The following ELMO1 variants were observed in gnomAD, a reference collection of about 807,000 sequenced individuals.
ELMO1 encodes engulfment and cell motility protein 1.
Under a neutral mutation model 98.9 loss-of-function variants are expected in ELMO1, and 26 were observed. The ratio of observed to expected loss-of-function variants is 0.26; its 90% CI spans 0.19 to 0.36. ELMO1 has a LOEUF of 0.36. Ranked by LOEUF, ELMO1 falls within the 10% of genes least tolerant of loss-of-function variation. The pLI, the probability that ELMO1 is intolerant of heterozygous loss-of-function variation, is 1.00. For synonymous variants in ELMO1, 346 were observed against 346.0 expected, an observed-to-expected ratio of 1.00 and a Z score of 0.00; for missense variants, 627 against 935.2, an observed-to-expected ratio of 0.67 and a Z score of 4.30.
chr7:37,348,269 A>G (rs1244734631), intron 1 of ELMO1, among the ~76,000 whole-genome samples: 1 of 152,204 alleles, frequency 6.6e-6, no homozygotes, highest in Non-Finnish European at 1.5e-5. Flanking sequence ...AGCCGGGTAC[A>G]ATAATTCTTA....
chr7:36,926,558 AT>A (rs1785593943), intron 16 of ELMO1, among the ~76,000 whole-genome samples: 1 of 152,044 alleles, frequency 6.6e-6, no homozygotes, highest in Non-Finnish European at 1.5e-5. Flanking sequence ...TCCACTCAGA[AT>A]TGTACTTAAA....
At chr7:36,899,106 T>G (rs1300115711) in intron 16 of ELMO1, among the ~76,000 whole-genome samples, 1 of 152,090 alleles carries the variant, frequency 6.6e-6, no homozygotes, top group East Asian at 1.9e-4. Flanking sequence ...TGGGGAAGTG[T>G]TCAGCGGTCT....
chr7:36,879,420 C>T (rs1003315785), intron 18 of ELMO1, among the ~76,000 whole-genome samples: 1 of 152,192 alleles, frequency 6.6e-6, no homozygotes, highest in Non-Finnish European at 1.5e-5. Flanking sequence ...ATTATTGCAC[C>T]TGAAATATAA....
intron 2 of ELMO1, among the ~76,000 whole-genome samples, chr7:37,335,436 C>T (rs1182479212): frequency 6.6e-6 from 1 of 152,114 alleles, no homozygotes; most frequent in African/African-American, 2.4e-5. Context: ...ACATACAGTG[C>T]CTGCAGACAC....
At chr7:37,406,493 G>A (rs911213860) in intron 1 of ELMO1, among the ~76,000 whole-genome samples, 3 of 151,896 alleles carry the variant, frequency 2.0e-5, no homozygotes, top group East Asian at 3.9e-4. Flanking sequence ...GCAGTGGCGC[G>A]ATCTCGGCTC....
In ELMO1 at chr7:37,385,901, G is replaced by A. The variant is rs1036092688; in HGVS notation, c.-73-43138C>T. Among the ~76,000 whole-genome samples, 10 of 152,212 alleles carry A rather than the reference G, an allele frequency of 6.6e-5. No individual in the cohort carries two copies. The East Asian group carries it at 1.9e-3, about 29-fold the overall frequency. On this transcript the variant is annotated intron_variant, in intron 1 of 21. Coordinates refer to ENST00000310758, the MANE Select transcript of ELMO1 (RefSeq NM_014800.11). ...AGTGCCAGGCCCAGCTTCCGGAGAT[G>A]CCAATTCCCCAGGAAGTCCTAGTGT...
intron 17 of ELMO1, 48 bp from the exon 18 acceptor site, chr7:36,887,720 G>A (rs778804256): frequency 1.3e-6 from 2 of 1,572,618 alleles, no homozygotes; most frequent in Admixed American, 3.3e-5. Flanking sequence ...GAGAAACAGA[G>A]TGTGGCTTGG....
intron 15 of ELMO1, among the ~76,000 whole-genome samples, chr7:37,034,941 G>A (rs1003562104): frequency 6.6e-6 from 1 of 152,140 alleles, no homozygotes; most frequent in Non-Finnish European, 1.5e-5. Context: ...CCTTCCTTCA[G>A]GGGTTGGAAG....
chr7:36,860,981 A>G (rs554601546), intron 21 of ELMO1, among the ~76,000 whole-genome samples: 1 of 152,258 alleles, frequency 6.6e-6, no homozygotes, highest in Admixed American at 6.5e-5. Flanking sequence ...TTATGCAACC[A>G]CACGCAAAAC....
intron 1 of ELMO1, among the ~76,000 whole-genome samples, chr7:37,402,487 TA>T (rs1803578036): frequency 6.6e-6 from 1 of 152,110 alleles, no homozygotes; most frequent in Non-Finnish European, 1.5e-5. Context: ...TCTTTCTTCC[TA>T]AGTGTTTGGG....
Position 37,437,687 on chromosome 7 carries a change from A to ATATAATTATTAACTATTGCCACCAT in ELMO1, c.-74+10987_-74+10988insATGGTGGCAATAGTTAATAATTATA, listed in dbSNP as rs1583763296. On this transcript the variant is annotated intron_variant, in intron 1 of 21. Coordinates refer to ENST00000310758, the MANE Select transcript of ELMO1 (RefSeq NM_014800.11). The stretch of plus-strand genomic sequence containing the variant: ...TTTTAGCTGTTTTGAAATATACAAT[A>ATATAATTATTAACTATTGCCACCAT]GGCCGGGCGCGGTGGCTCACGCCTG... Among the ~76,000 whole-genome samples, 6 of 81,088 alleles carry ATATAATTATTAACTATTGCCACCAT rather than the reference A, an allele frequency of 7.4e-5. No individual in the cohort carries two copies. In the East Asian group the frequency reaches 9.0e-4, roughly 12 times the overall value. The allele number at this position is 81,088 out of a possible 152,430, so 53.2% of individuals were successfully genotyped here. A position where few individuals can be genotyped will look rare whatever the true frequency, so the allele number is the denominator to read the frequency against.
In ELMO1 at chr7:36,878,052, T is replaced by G. The variant is rs1804113740; in HGVS notation, c.1780A>C (p.Ser594Arg). ...KVLHYGDLEE[S>R]PQGEVPHDSL... Reference sequence around the variant, plus strand: ...TCGTGGGGCACTTCTCCCTGAGGACTCTCTTCTAAGTCTCCGTAATGCAGG... The same window carrying G: ...TCGTGGGGCACTTCTCCCTGAGGACGCTCTTCTAAGTCTCCGTAATGCAGG... The change falls in exon 19 of 22, where the codon AGT (serine) becomes CGT (arginine). Residue 594 changes from serine (S) to arginine (R), a missense_variant. Ser to Arg is a moderately radical substitution (Grantham distance 110). This residue lies in a region of ELMO1 where 492 missense variants were observed against 715.6 expected (regional missense o/e 0.69). Coordinates refer to ENST00000310758, the MANE Select transcript of ELMO1 (RefSeq NM_014800.11). 6.2e-7 allele frequency: 1 copy of G among 1,613,960 alleles called. No homozygotes were observed. Among genetic ancestry groups the G allele is most frequent in the African/African-American group, 1.3e-5 (1 of 74,944 alleles).
At chr7:36,980,095 G>A (rs1310374996) in intron 16 of ELMO1, among the ~76,000 whole-genome samples, 2 of 152,208 alleles carry the variant, frequency 1.3e-5, no homozygotes, top group East Asian at 3.9e-4. Context: ...GCGCAAGGCT[G>A]CAGCCCTCCT....
intron 14 of ELMO1, chr7:37,116,949 A>T (rs1265709566): frequency 9.4e-6 from 2 of 212,532 alleles, no homozygotes; most frequent in Non-Finnish European, 2.0e-5. Flanking sequence ...CCTGCATCTG[A>T]TGGAGGATAT....
At chr7:37,295,196 A>C (rs1292078862) in intron 4 of ELMO1, among the ~76,000 whole-genome samples, 1 of 152,194 alleles carries the variant, frequency 6.6e-6, no homozygotes, top group Non-Finnish European at 1.5e-5. Flanking sequence ...GCTACTACTT[A>C]CCTCTGGGGA....
chr7:37,341,857 C>T (rs910722194), intron 2 of ELMO1, among the ~76,000 whole-genome samples: 1 of 152,170 alleles, frequency 6.6e-6, no homozygotes, highest in Non-Finnish European at 1.5e-5. Flanking sequence ...TAGGTCTCAA[C>T]CTTTTATTCC....
intron 1 of ELMO1, among the ~76,000 whole-genome samples, chr7:37,390,457 T>C (rs978159063): frequency 8.1e-5 from 12 of 148,850 alleles, no homozygotes; most frequent in African/African-American, 3.0e-4. Context: ...ACACTCTGCC[T>C]TTTTTTTTTC....
At chr7:37,385,675 T>A (rs1802770104) in intron 1 of ELMO1, among the ~76,000 whole-genome samples, 1 of 152,232 alleles carries the variant, frequency 6.6e-6, no homozygotes, top group Non-Finnish European at 1.5e-5. Flanking sequence ...TCCCACTGTA[T>A]CCCGTGTCTA....
intron 18 of ELMO1, among the ~76,000 whole-genome samples, chr7:36,880,531 C>T (rs1804367050): frequency 1.3e-5 from 2 of 152,122 alleles, no homozygotes. Flanking sequence ...TTTGTTTATC[C>T]AATGAATATT....
Sources: gnomAD v4.1 joint callset for allele counts (sites outside exome capture counted in the v4.1 genomes callset) on GRCh38, gnomAD v4.1.1 for gene constraint, gnomAD v4.1.1 regional missense constraint, MANE v1.5 for transcripts, NCBI Gene and HGNC (gene_info 2026-07-23, HGNC 2026-07-21) for gene names.